Variants in SHROOM3 observed in about 807,000 individuals in gnomAD.
The protein encoded by SHROOM3 is shroom family member 3.
In SHROOM3, 47 loss-of-function variants were observed where a neutral mutation model predicts 138.6. The ratio of observed to expected loss-of-function variants is 0.34; its 90% confidence interval spans 0.27 to 0.43. The LOEUF is 0.43. Ranked by LOEUF, SHROOM3 falls within the 20% of genes least tolerant of loss-of-function variation. The pLI is 1.00. For synonymous variants in SHROOM3, 1,062 were observed against 1,063.3 expected (o/e 1.00, Z 0.02); for missense variants, 2,491 against 2,596.5 (o/e 0.96, Z 0.88).
rs796470312 is a variant in SHROOM3, at chr4:76,518,483, T to TCTGC, written c.169-37115_169-37112dup. On this transcript the variant is annotated intron_variant, in intron 1 of 10. Coordinates refer to ENST00000296043, the MANE Select transcript of SHROOM3 (RefSeq NM_020859.4). ...CTCCCCCCTCCTTCCTTTTTGCCTGTCTGCCTGCCTGCCTTCCTTCCTTCC... is the reference window on the plus strand; with the variant it reads ...CTCCCCCCTCCTTCCTTTTTGCCTGTCTGCCTGCCTGCCTGCCTTCCTTCCTTCC... 7.9e-4 allele frequency among the ~76,000 whole-genome samples: 115 copies of TCTGC among 146,292 alleles called. No individual in the cohort carries two copies. The East Asian group carries it at 0.018, about 23-fold the overall frequency.
intron 2 of SHROOM3, among the ~76,000 whole-genome samples, chr4:76,605,942 TATATACACATATATATATAC>T: frequency 7.1e-6 from 1 of 140,732 alleles, no homozygotes; most frequent in East Asian, 2.0e-4. Context: ...TCTATATATA[TATATACACATATATATATAC>T]ATATATATAC....
chr4:76,601,338 A>G (rs1734501094), intron 2 of SHROOM3, among the ~76,000 whole-genome samples: 3 of 152,066 alleles, frequency 2.0e-5, no homozygotes, highest in African/African-American at 2.4e-5. Flanking sequence ...AATGCACAGG[A>G]AAGGCCCCCC....
chr4:76,735,665 C>T (rs1721017410), intron 4 of SHROOM3, among the ~76,000 whole-genome samples: 1 of 150,516 alleles, frequency 6.6e-6, no homozygotes. Flanking sequence ...CATGGTGAAA[C>T]CCCGTCTCTA....
chr4:76,733,662 G>A (rs903743554), intron 4 of SHROOM3, among the ~76,000 whole-genome samples: 1 of 152,110 alleles, frequency 6.6e-6, no homozygotes, highest in Non-Finnish European at 1.5e-5. Flanking sequence ...GGAGCACAGT[G>A]GCATCTAGTG....
chr4:76,622,094 G>T (rs1735019861), intron 2 of SHROOM3, among the ~76,000 whole-genome samples: 1 of 152,084 alleles, frequency 6.6e-6, no homozygotes, highest in African/African-American at 2.4e-5. Context: ...GCCTCCCAAA[G>T]TGCTGGGATT....
chr4:76,525,962 A>G (rs925214751), intron 1 of SHROOM3, among the ~76,000 whole-genome samples: 1 of 152,192 alleles, frequency 6.6e-6, no homozygotes, highest in Admixed American at 6.5e-5. Context: ...TAGCTTCTAG[A>G]GTTGCTCCTG....
At chr4:76,524,343 C>T (rs1396240503) in intron 1 of SHROOM3, among the ~76,000 whole-genome samples, 1 of 152,124 alleles carries the variant, frequency 6.6e-6, no homozygotes, top group Admixed American at 6.5e-5. Context: ...AGGCGTAGGC[C>T]TCAGATCTTC....
In SHROOM3 at chr4:76,456,478, G is replaced by T. The variant is rs1731029570; in HGVS notation, c.168+20258G>T. 2.6e-5 allele frequency among the ~76,000 whole-genome samples: 4 copies of T among 152,132 alleles called. No individual in the cohort carries two copies. In the South Asian group the frequency reaches 8.3e-4, roughly 32 times the overall value. ...TTTTTCTGAATATTTTTGATTTGAG[G>T]TTGGTTGAATCCATGGATGCAGGAC... On this transcript the variant is annotated intron_variant, in intron 1 of 10. Coordinates refer to ENST00000296043, the MANE Select transcript of SHROOM3 (RefSeq NM_020859.4).
chr4:76,570,423 A>T lies in SHROOM3; in HGVS notation c.323+14660A>T, dbSNP rs75762428. Among the ~76,000 whole-genome samples, 942 of 152,204 alleles carry T rather than the reference A, an allele frequency of 6.2e-3. 9 individuals carry two copies. The highest frequency in any genetic ancestry group is 0.022 in the African/African-American group (902 of 41,524). ...AACCTGGGGCTGTGGCTGGTGTGCA[A>T]TCGGTGGCATCCCCACAAAATCCAG... On this transcript the variant is annotated intron_variant, in intron 2 of 10. Coordinates refer to ENST00000296043, the MANE Select transcript of SHROOM3 (RefSeq NM_020859.4).
intron 3 of SHROOM3, among the ~76,000 whole-genome samples, chr4:76,715,641 C>G (rs188043119): frequency 3.9e-4 from 59 of 152,226 alleles, no homozygotes; most frequent in Admixed American, 9.8e-4. Flanking sequence ...AAGCATTTAC[C>G]CTTATATGGG....
chr4:76,473,110 G>A (rs1454106108), intron 1 of SHROOM3, among the ~76,000 whole-genome samples: 1 of 152,114 alleles, frequency 6.6e-6, no homozygotes, highest in African/African-American at 2.4e-5. Context: ...CAATATATAC[G>A]ATTTTTATTT....
At chr4:76,656,058 C>T (rs1318181700) in intron 2 of SHROOM3, among the ~76,000 whole-genome samples, 1 of 152,178 alleles carries the variant, frequency 6.6e-6, no homozygotes. Flanking sequence ...ATCAGAGATT[C>T]CTTGGTCTGG....
intron 3 of SHROOM3, among the ~76,000 whole-genome samples, chr4:76,713,041 G>A (rs549531860): frequency 1.3e-5 from 2 of 152,350 alleles, no homozygotes; most frequent in African/African-American, 2.4e-5. Context: ...CACTCACCAT[G>A]AAGGGAGCCT....
chr4:76,515,171 C>T (rs1197441107), intron 1 of SHROOM3, among the ~76,000 whole-genome samples: 6 of 148,854 alleles, frequency 4.0e-5, no homozygotes, highest in Non-Finnish European at 5.9e-5. Flanking sequence ...GCTGAGATCA[C>T]GCCTCTGCAC....
chr4:76,599,323 G>A (rs906571325), intron 2 of SHROOM3, among the ~76,000 whole-genome samples: 1 of 152,132 alleles, frequency 6.6e-6, no homozygotes. Flanking sequence ...TTCAGAGAAT[G>A]AGCAATTGAT....
chr4:76,545,757 C>G (rs768558820), intron 1 of SHROOM3, among the ~76,000 whole-genome samples: 5 of 152,204 alleles, frequency 3.3e-5, no homozygotes, highest in Non-Finnish European at 7.3e-5. Flanking sequence ...GCAATCCTTA[C>G]ACCAACCCTA....
intron 2 of SHROOM3, among the ~76,000 whole-genome samples, chr4:76,601,826 T>C (rs1043874026): frequency 6.6e-6 from 1 of 152,180 alleles, no homozygotes; most frequent in Admixed American, 6.5e-5. Context: ...TACTTTCTTA[T>C]AGGTTTAGTC....
chr4:76,516,073 GA>G (rs769046875), intron 1 of SHROOM3, among the ~76,000 whole-genome samples: 75 of 152,152 alleles, frequency 4.9e-4, no homozygotes, highest in Non-Finnish European at 9.7e-4. Context: ...GTTAGTGTGT[GA>G]AACTAGCAGT....
In SHROOM3 at chr4:76,483,621, T is replaced by C. The variant is rs147186122; in HGVS notation, c.168+47401T>C. ...TCAAGATCTAGAACCAGAAATACCA[T>C]TTGACCTAGCAATCCTATTACTGGG... On this transcript the variant is annotated intron_variant, in intron 1 of 10. Coordinates refer to ENST00000296043, the MANE Select transcript of SHROOM3 (RefSeq NM_020859.4). Among the ~76,000 whole-genome samples the C allele has an allele frequency of 7.0e-3, 1,062 of 152,306 alleles. 7 individuals are homozygous for C. Among genetic ancestry groups the C allele is most frequent in the African/African-American group, 0.024 (1,004 of 41,560 alleles).
Sources: gnomAD v4.1 joint callset for allele counts (sites outside exome capture counted in the v4.1 genomes callset) on GRCh38, gnomAD v4.1.1 for gene constraint, MANE v1.5 for transcripts, NCBI Gene and HGNC (gene_info 2026-07-23, HGNC 2026-07-21) for gene names.